The following CAPNS1 variants were observed in gnomAD, a reference collection of about 807,000 sequenced individuals.
CAPNS1 encodes CANP small subunit.
A neutral mutation model predicts 39.2 loss-of-function variants in CAPNS1; 32 were observed. The ratio of observed to expected loss-of-function variants is 0.82; its 90% CI spans 0.62 to 1.10. The LOEUF is 1.10. Among genes scored for constraint, CAPNS1 ranks in the 50% least tolerant of loss-of-function variants. The probability of loss-of-function intolerance (pLI) is 0.00; values close to 1 mark genes in which losing one functional copy is unlikely to be tolerated. For synonymous variants in CAPNS1, 153 were observed against 136.2 expected, an observed-to-expected ratio of 1.12 and a Z score of -0.86; for missense variants, 353 against 373.1, an observed-to-expected ratio of 0.95 and a Z score of 0.44.
rs1446757828 is a variant in CAPNS1 at position 36,140,987 on chromosome 19, T to C, written c.-15-10T>C. On this transcript the variant is annotated splice_polypyrimidine_tract_variant and intron_variant, in intron 1 of 10. Coordinates refer to ENST00000246533, the MANE Select transcript of CAPNS1 (RefSeq NM_001749.4). ...GCGAAGCACCCACTGGTCCCCTTTT[T>C]TCCCCCCAGCAGTGAGTCGCAGCCA... 1.3e-6 allele frequency: 2 copies of C among 1,597,270 alleles called. No homozygotes were observed. The highest frequency in any genetic ancestry group is 2.4e-5 in the East Asian group (1 of 42,416).
At chr19:36,144,002 T>C (rs561597636) in intron 6 of CAPNS1, 3 of 150,794 alleles carry the variant, frequency 2.0e-5, no homozygotes, top group South Asian at 2.1e-4. Context: ...GGTGAAACCC[T>C]GTCTCTACTA....
rs367609534 is a variant in CAPNS1 at position 36,146,057 on chromosome 19, A to G, written c.604+3A>G. ...CCCAGGTGCCTTTGAGGCAGCAGGT[A>G]TGGCTGGCAGGGACATGCTGGGGCT... On this transcript the variant is annotated splice_donor_region_variant and intron_variant, in intron 8 of 10. Coordinates refer to ENST00000246533, the MANE Select transcript of CAPNS1 (RefSeq NM_001749.4). The G allele has an allele frequency of 6.5e-5, 105 of 1,613,864 alleles. No homozygotes were observed. In the Admixed American group the frequency reaches 8.0e-4, roughly 12 times the overall value.
chr19:36,146,788 T>C (rs181136232), intron 9 of CAPNS1, among the ~76,000 whole-genome samples: 50 of 152,248 alleles, frequency 3.3e-4, no homozygotes, highest in Admixed American at 3.3e-3. Flanking sequence ...GAACAGCCTG[T>C]GCAAAGGCCT....
At chr19:36,145,087 T>A (rs919151043) in intron 6 of CAPNS1, among the ~76,000 whole-genome samples, 1 of 152,180 alleles carries the variant, frequency 6.6e-6, no homozygotes, top group Non-Finnish European at 1.5e-5. Flanking sequence ...TGCCTTGGCT[T>A]CCCAAAGTGC....
intron 9 of CAPNS1, 125 bp downstream of exon 9, chr19:36,146,437 A>G (rs1974571378): frequency 1.4e-6 from 1 of 721,212 alleles, no homozygotes; most frequent in South Asian, 1.4e-5. Flanking sequence ...AATCAGTTCC[A>G]GTTTCTGCCC....
chr19:36,141,193 T>G lies in CAPNS1; in HGVS notation c.182T>G (p.Ile61Ser). The change falls in exon 2 of 11, where the codon ATC becomes AGC. Residue 61 changes from isoleucine to serine, a missense_variant. Coordinates refer to ENST00000246533, the MANE Select transcript of CAPNS1 (RefSeq NM_001749.4). ...GGGGGGTAMR[I>S]LGGVISAISE... ...GGTGGCGGTGGAACGGCCATGCGCA[T>G]CCTAGGCGGAGTCATCAGCGCCATC... 1 of 1,467,210 alleles carries G rather than the reference T, an allele frequency of 6.8e-7. No individual in the cohort carries two copies. The highest frequency in any genetic ancestry group is 9.0e-7 in the Non-Finnish European group (1 of 1,115,512). The allele number at this position is 1,467,210 out of a possible 1,614,324, so 90.9% of individuals were successfully genotyped here.
At chr19:36,142,279 C>T (rs781100157) in intron 2 of CAPNS1, 21 bp from the exon 3 acceptor site, 5 of 1,578,200 alleles carry the variant, frequency 3.2e-6, no homozygotes, top group South Asian at 2.2e-5. Context: ...GCACTAACCC[C>T]TCCCCCTTAT....
chr19:36,146,420 G>T, intron 9 of CAPNS1, 108 bp downstream of exon 9: 1 of 762,742 alleles, frequency 1.3e-6, no homozygotes, highest in South Asian at 1.4e-5. Flanking sequence ...GGGCACAGTG[G>T]TGATTGAATC....
At chr19:36,145,901 G>A (rs759047993) in intron 7 of CAPNS1, 27 bp downstream of exon 7, 2 of 1,613,420 alleles carry the variant, frequency 1.2e-6, no homozygotes, top group East Asian at 2.2e-5. Context: ...GAAATCCCTG[G>A]CACCCAGACC....
In CAPNS1 at chr19:36,142,720, C is replaced by A; in HGVS notation, c.312C>A (p.Leu104=). The part of the protein sequence containing the change: ...ESEEVRQFRR[L]FAQLAGDDME... The stretch of plus-strand genomic sequence containing the variant: ...AGGAGGTCCGGCAGTTCCGGAGACT[C>A]TTTGCCCAGCTGGCTGGAGATGTAA... The change falls in exon 4 of 11, where the codon CTC becomes CTA. Residue 104 remains leucine (L), a synonymous_variant. Coordinates refer to ENST00000246533, the MANE Select transcript of CAPNS1 (RefSeq NM_001749.4). The A allele has an allele frequency of 6.2e-7, 1 of 1,614,120 alleles. No homozygotes were observed. The highest frequency in any genetic ancestry group is 8.5e-7 in the Non-Finnish European group (1 of 1,179,984).
Position 36,141,303 on chromosome 19 carries a change from A to T in CAPNS1, c.209+83A>T, listed in dbSNP as rs1300762109. 9.8e-6 allele frequency: 14 copies of T among 1,427,862 alleles called. No individual in the cohort carries two copies. In the African/African-American group the frequency reaches 1.2e-4, roughly 12 times the overall value. The allele number at this position is 1,427,862 out of a possible 1,614,324, so 88.4% of individuals were successfully genotyped here. On this transcript the variant is annotated intron_variant, in intron 2 of 10. Coordinates refer to ENST00000246533, the MANE Select transcript of CAPNS1 (RefSeq NM_001749.4). ...CGTGGTCTGGGAGGGGCGTGGTCTA[A>T]AAATAGAATAGGATTAACCTGGAGG... is the stretch of plus-strand genomic sequence containing the variant.
chr19:36,142,602 G>A, intron 3 of CAPNS1, 50 bp from the exon 4 acceptor site: 1 of 1,529,792 alleles, frequency 6.5e-7, no homozygotes, highest in Non-Finnish European at 9.0e-7. Context: ...TTGGGGAGCC[G>A]TCCTGGCCGG....
chr19:36,148,159 G>A (rs2031444425), intron 9 of CAPNS1: 1 of 152,064 alleles, frequency 6.6e-6, no homozygotes, highest in Admixed American at 6.6e-5. Flanking sequence ...AAAAGAAGCA[G>A]GTATGTGAGA....
chr19:36,142,307 G>C lies in CAPNS1; in HGVS notation c.217G>C (p.Ala73Pro). The change falls in exon 3 of 11, where the codon GCT (alanine) becomes CCT (proline). Residue 73 changes from alanine (A) to proline (P), a missense_variant. By Grantham distance (27) the Ala-to-Pro change is conservative. Transcript: ENST00000246533. Reference protein sequence around the residue: ...GGVISAISEAAAQYNPEPPPP... With the variant: ...GGVISAISEAPAQYNPEPPPP... ...CCCCTTATCTCTTCGCAGCGAGGCG[G>C]CTGCGCAGTACAACCCGGAGCCCCC... The C allele has an allele frequency of 6.3e-7, 1 of 1,595,258 alleles. No homozygotes were observed. The highest frequency in any genetic ancestry group is 8.6e-7 in the Non-Finnish European group (1 of 1,165,902).
intron 2 of CAPNS1, chr19:36,141,817 G>A (rs1028154560): frequency 1.5e-4 from 30 of 204,402 alleles, no homozygotes; most frequent in African/African-American, 6.0e-4. Flanking sequence ...TTGAAGGGGC[G>A]GGGACCAATG....
chr19:36,142,612 G>C (rs367819061), intron 3 of CAPNS1, 40 bp from the exon 4 acceptor site: 12 of 1,572,496 alleles, frequency 7.6e-6, no homozygotes, highest in Non-Finnish European at 1.0e-5. Flanking sequence ...GTCCTGGCCG[G>C]GTTCCCCTCC....
intron 1 of CAPNS1, 120 bp downstream of exon 1, chr19:36,140,277 G>A (rs1468695312): frequency 6.6e-6 from 1 of 152,210 alleles, no homozygotes; most frequent in Non-Finnish European, 1.5e-5. Context: ...TCTCAGATTC[G>A]AACCCTCAGA....
intron 1 of CAPNS1, chr19:36,140,698 C>A (rs908429473): frequency 1.8e-4 from 66 of 359,218 alleles, no homozygotes; most frequent in Admixed American, 2.9e-4. Context: ...TCGGGAACGC[C>A]TTACGCCAAC....
At chr19:36,145,928 A>G (rs1366709059) in intron 7 of CAPNS1, 48 bp from the exon 8 acceptor site, 19 of 1,612,320 alleles carry the variant, frequency 1.2e-5, no homozygotes, top group Non-Finnish European at 1.4e-5. Flanking sequence ...CCATGGAGAC[A>G]CTATGCCCCA....
Sources: allele counts gnomAD v4.1 joint callset (sites outside exome capture counted in the v4.1 genomes callset), GRCh38; gene constraint gnomAD v4.1.1; transcripts MANE v1.5; gene names NCBI Gene and HGNC (gene_info 2026-07-23, HGNC 2026-07-21).